Variants in SATB1 observed in about 807,000 individuals in gnomAD.
SATB1 encodes SATB homeobox 1, also known as DNA-binding protein SATB1.
Under a neutral mutation model 86.9 loss-of-function variants are expected in SATB1, and 11 were observed. The ratio of observed to expected loss-of-function variants is 0.13; its 90% CI spans 0.08 to 0.21. SATB1 has a LOEUF of 0.21. SATB1 is among the 10% of genes least tolerant of loss of function. SATB1 has a pLI of 1.00. For synonymous variants in SATB1, 357 were observed against 357.2 expected, an observed-to-expected ratio of 1.00 and a Z score of 0.01; for missense variants, 551 against 937.6, an observed-to-expected ratio of 0.59 and a Z score of 5.39.
chr3:18,348,600 C>G lies in SATB1; in HGVS notation c.*570G>C, dbSNP rs1301580816. The G allele has an allele frequency of 6.6e-6, 1 of 151,478 alleles. No homozygotes were observed. Among genetic ancestry groups the G allele is most frequent in the Non-Finnish European group, 1.5e-5 (1 of 67,798 alleles). The allele number at this position is 151,478 out of a possible 1,614,324, so 9.4% of individuals were successfully genotyped here. ...AAAAAGTACAGTGAACTTTTATTTC[C>G]AAAATAAAAACAAATTTGAATTACG... is the stretch of plus-strand genomic sequence containing the variant. On this transcript the variant is annotated 3_prime_UTR_variant, in exon 11 of 11. Transcript: ENST00000338745.
At position 18,352,444 on chromosome 3, in the gene SATB1, G is replaced by GGTTA; in HGVS notation, c.1576-250_1576-249insTAAC. ...GGGACATATTTTTTCAGACTCTGAG[G>GGTTA]GTAACAGAGCATTTATCACAGATTT... On this transcript the variant is annotated intron_variant, in intron 9 of 10. Transcript: ENST00000338745. This position sits in a 1 kb window ranked among gnomAD's most constrained non-coding sequence, Gnocchi z 4.1. 2 of 460,838 alleles carry GGTTA rather than the reference G, an allele frequency of 4.3e-6. No individual in the cohort carries two copies. Among genetic ancestry groups the GGTTA allele is most frequent in the Non-Finnish European group, 7.9e-6 (2 of 254,486 alleles). 28.5% of individuals were successfully genotyped at this position (460,838 alleles called of 1,614,324 possible).
At position 18,349,014 on chromosome 3, in the gene SATB1, G is replaced by T; in HGVS notation, c.*156C>A. 8.0e-7 allele frequency: 1 copy of T among 1,243,202 alleles called. No individual in the cohort carries two copies. Among genetic ancestry groups the T allele is most frequent in the Non-Finnish European group, 1.1e-6 (1 of 917,746 alleles). 77.0% of individuals were successfully genotyped at this position (1,243,202 alleles called of 1,614,324 possible). A position where few individuals can be genotyped will look rare whatever the true frequency, so the allele number is the denominator to read the frequency against. ...CAGAGGAAAACATTTAGTGCAGTCT[G>T]TATTATCCTTTTCCAACTTTTCTGT... On this transcript the variant is annotated 3_prime_UTR_variant, in exon 11 of 11. Transcript: ENST00000338745. The surrounding 1 kb of genome is among the most constrained non-coding windows in gnomAD (Gnocchi z 5.5).
At chr3:18,427,791 A>G (rs1698757847), upstream of SATB1, among the ~76,000 whole-genome samples, 1 of 152,220 alleles carries the variant, frequency 6.6e-6, no homozygotes, top group Non-Finnish European at 1.5e-5. Flanking sequence ...AGAATAAATG[A>G]GCATAAAGGC....
chr3:18,375,750 A>G (rs1279327422), intron 9 of SATB1, among the ~76,000 whole-genome samples: 3 of 152,124 alleles, frequency 2.0e-5, no homozygotes, highest in African/African-American at 7.2e-5. Flanking sequence ...CTCATTTTTT[A>G]AGCAATCATC....
upstream of SATB1, among the ~76,000 whole-genome samples, chr3:18,442,623 A>T (rs1375325073): frequency 6.6e-6 from 1 of 152,210 alleles, no homozygotes; most frequent in African/African-American, 2.4e-5. Context: ...TAATTAAAGT[A>T]TTTATGTCTG....
Position 18,349,530 on chromosome 3 carries a change from C to T in SATB1, c.1932G>A (p.Lys644=), listed in dbSNP as rs1387112886. The part of the protein sequence containing the change: ...PAESDEENRQ[K]TRPRTKISVE... ...CTGAAATTTTTGTTCGTGGCCGGGTCTTCTGTCGGTTTTCCTCATCTGACT... is the reference window on the plus strand; with the variant it reads ...CTGAAATTTTTGTTCGTGGCCGGGTTTTCTGTCGGTTTTCCTCATCTGACT... The change falls in exon 11 of 11, where the codon AAG becomes AAA. Residue 644 remains lysine (K), a synonymous_variant. Coordinates refer to ENST00000338745, the MANE Select transcript of SATB1 (RefSeq NM_002971.6). This position sits in a 1 kb window ranked among gnomAD's most constrained non-coding sequence, Gnocchi z 5.5. 6.2e-7 allele frequency: 1 copy of T among 1,614,078 alleles called. No individual in the cohort carries two copies. The highest frequency in any genetic ancestry group is 1.7e-5 in the Admixed American group (1 of 60,012).
intron 2 of SATB1, chr3:18,417,387 T>C (rs1698171832): frequency 3.6e-6 from 2 of 559,220 alleles, no homozygotes; most frequent in Middle Eastern, 4.7e-4. Context: ...ATAATAATGG[T>C]GACGAAAGAG....
rs1372800584 is a variant in SATB1, at chr3:18,394,626, T to A, written c.1042A>T (p.Asn348Tyr). 6.2e-7 allele frequency: 1 copy of A among 1,614,180 alleles called. No individual in the cohort carries two copies. The highest frequency in any genetic ancestry group is 8.5e-7 in the Non-Finnish European group (1 of 1,180,036). ...GATCTACTGACAGGGGGAGGGTGGTTCAAGTATTGTTGGTTTAAGGACTGC... is the reference window on the plus strand; with the variant it reads ...GATCTACTGACAGGGGGAGGGTGGTACAAGTATTGTTGGTTTAAGGACTGC... ...AQQSLNQQYL[N>Y]HPPPVSRSMN... Residue 348 changes from asparagine to tyrosine, a missense_variant, in exon 7 of 11, where the codon AAC (asparagine) becomes TAC (tyrosine). Asn to Tyr is a moderately radical substitution (Grantham distance 143). Around this residue, in one of 8 missense-constraint regions of SATB1, gnomAD observed 119 missense variants for 171.1 expected, o/e 0.70. Coordinates refer to ENST00000338745, the MANE Select transcript of SATB1 (RefSeq NM_002971.6). The surrounding 1 kb of genome is among the most constrained non-coding windows in gnomAD (Gnocchi z 5.9).
chr3:18,362,654 TA>T lies in SATB1; in HGVS notation c.1576-10460del, dbSNP rs1694959207. ...AGGCAAATAAAATTATTATTTTCTT[TA>T]AAAAGAAGAATTTATGCTAGGAAAC... On this transcript the variant is annotated intron_variant, in intron 9 of 10. Transcript: ENST00000338745. Among the ~76,000 whole-genome samples, 5 of 152,024 alleles carry T rather than the reference TA, an allele frequency of 3.3e-5. No individual in the cohort carries two copies. In the South Asian group the frequency reaches 1.0e-3, roughly 32 times the overall value.
rs1698293808 is a variant in SATB1, at chr3:18,419,692, C to G, written c.211+1065G>C. On this transcript the variant is annotated intron_variant, in intron 2 of 10. Coordinates refer to ENST00000338745, the MANE Select transcript of SATB1 (RefSeq NM_002971.6). ...TTTTTAATGCTCTTACCCTGGCTTT[C>G]TTAAGATGCATACATTCTTGGCAAA... Among the ~76,000 whole-genome samples, 3 of 152,116 alleles carry G rather than the reference C, an allele frequency of 2.0e-5. No individual in the cohort carries two copies. The South Asian group carries it at 6.2e-4, about 32-fold the overall frequency.
chr3:18,386,394 C>CGCA lies in SATB1; in HGVS notation c.1419+2_1419+4dup. 1 of 1,608,832 alleles carries CGCA rather than the reference C, an allele frequency of 6.2e-7. No homozygotes were observed. The highest frequency in any genetic ancestry group is 8.5e-7 in the Non-Finnish European group (1 of 1,176,518). ...AGAAGGGCAAGGAGGAAAAGGAGAC[C>CGCA]GCACCTGGGGAGGACGGCTGGGTGG... On this transcript the variant is annotated splice_donor_region_variant and intron_variant, in intron 8 of 10. Transcript: ENST00000338745. This position sits in a 1 kb window ranked among gnomAD's most constrained non-coding sequence, Gnocchi z 4.5.
chr3:18,411,713 C>T (rs1697851487), intron 5 of SATB1, among the ~76,000 whole-genome samples: 1 of 151,736 alleles, frequency 6.6e-6, no homozygotes, highest in Non-Finnish European at 1.5e-5. Flanking sequence ...ACAAAAGTAA[C>T]AACAAAACAT....
rs529231598 is a variant in SATB1 at position 18,346,691 on chromosome 3, A to T, written c.*2479T>A. The stretch of plus-strand genomic sequence containing the variant: ...AAATCTAAGTGGGAATTTTGTTAGC[A>T]TTGTTATGTTGATTACCAAACAAAC... On this transcript the variant is annotated 3_prime_UTR_variant, in exon 11 of 11. Transcript: ENST00000338745. 2.0e-5 allele frequency: 3 copies of T among 152,172 alleles called. 1 individual carries two copies. The South Asian group carries it at 6.2e-4, about 32-fold the overall frequency. The allele number at this position is 152,172 out of a possible 1,614,324, so 9.4% of individuals were successfully genotyped here. A position where few individuals can be genotyped will look rare whatever the true frequency, so the allele number is the denominator to read the frequency against.
Position 18,349,819 on chromosome 3 carries a change from T to C in SATB1, c.1780-137A>G, listed in dbSNP as rs1054074440. 30 of 1,404,856 alleles carry C rather than the reference T, an allele frequency of 2.1e-5. No individual in the cohort carries two copies. In the African/African-American group the frequency reaches 3.3e-4, roughly 16 times the overall value. The allele number at this position is 1,404,856 out of a possible 1,614,324, so 87.0% of individuals were successfully genotyped here. ...GGGATGAAGATTTAGAAAGAAAAGG[T>C]AGGCCGGCGAAATGGCCGACAGCAT... is the stretch of plus-strand genomic sequence containing the variant. On this transcript the variant is annotated intron_variant, in intron 10 of 10. Coordinates refer to ENST00000338745, the MANE Select transcript of SATB1 (RefSeq NM_002971.6). The surrounding 1 kb of genome is among the most constrained non-coding windows in gnomAD (Gnocchi z 5.5).
intron 9 of SATB1, among the ~76,000 whole-genome samples, chr3:18,366,657 A>C (rs1166377072): frequency 6.6e-6 from 1 of 152,152 alleles, no homozygotes; most frequent in Non-Finnish European, 1.5e-5. Flanking sequence ...TCTATACTGT[A>C]CTGATGCTGC....
chr3:18,417,544 T>G (rs1698179574), intron 2 of SATB1: 2 of 622,484 alleles, frequency 3.2e-6, no homozygotes, highest in South Asian at 3.7e-5. Flanking sequence ...CCAAACAAAT[T>G]ATCTTCGACC....
At chr3:18,379,626 C>T (rs1695941646) in intron 8 of SATB1, among the ~76,000 whole-genome samples, 1 of 152,162 alleles carries the variant, frequency 6.6e-6, no homozygotes, top group Non-Finnish European at 1.5e-5. Flanking sequence ...TTCAGTGATT[C>T]AATTCTCCGT....
Position 18,349,933 on chromosome 3 carries a change from G to C in SATB1, c.1780-251C>G. On this transcript the variant is annotated intron_variant, in intron 10 of 10. Transcript: ENST00000338745. The surrounding 1 kb of genome is among the most constrained non-coding windows in gnomAD (Gnocchi z 5.5). ...TGCACTTACTTATCAGAGATCAGCA[G>C]AGGAAGTGAAAACTCAGTGCTCTGA... The C allele has an allele frequency of 1.8e-6, 1 of 545,194 alleles. No individual in the cohort carries two copies. The allele number at this position is 545,194 out of a possible 1,614,324, so 33.8% of individuals were successfully genotyped here. A position where few individuals can be genotyped will look rare whatever the true frequency, so the allele number is the denominator to read the frequency against.
chr3:18,415,057 C>T (rs1219347301), intron 5 of SATB1, 54 bp downstream of exon 5: 4 of 1,597,090 alleles, frequency 2.5e-6, no homozygotes, highest in Admixed American at 1.7e-5. Flanking sequence ...CATCAAACCT[C>T]AAATCAGGGT....
Sources: allele counts gnomAD v4.1 joint callset (sites outside exome capture counted in the v4.1 genomes callset), GRCh38; gene constraint gnomAD v4.1.1; regional missense constraint gnomAD v4.1.1; non-coding constraint Gnocchi (gnomAD v3.1); transcripts MANE v1.5; gene names NCBI Gene and HGNC (gene_info 2026-07-23, HGNC 2026-07-21).